The following UBE2E2 variants were observed in gnomAD, a reference collection of about 807,000 sequenced individuals.
UBE2E2 encodes the protein ubiquitin conjugating enzyme E2 E2, also known as ubiquitin-conjugating enzyme E2 E2.
In UBE2E2, 6 loss-of-function variants were observed where a neutral mutation model predicts 24.7. The observed-to-expected ratio is 0.24, with a 90% CI of 0.13 to 0.48. UBE2E2 has a LOEUF of 0.48. Among genes scored for constraint, UBE2E2 ranks in the 20% least tolerant of loss-of-function variants. The probability of loss-of-function intolerance (pLI) is 0.99; values close to 1 mark genes in which losing one functional copy is unlikely to be tolerated. For synonymous variants in UBE2E2, 104 were observed against 83.6 expected (o/e 1.24, Z -1.33); for missense variants, 169 against 245.0 (o/e 0.69, Z 2.07).
intron 3 of UBE2E2, among the ~76,000 whole-genome samples, chr3:23,315,726 T>G (rs781517373): frequency 6.6e-6 from 1 of 152,226 alleles, no homozygotes; most frequent in Non-Finnish European, 1.5e-5. Flanking sequence ...CTTTGCAGTC[T>G]TTGGTTGTTT....
chr3:23,391,035 C>G (rs574681248), intron 3 of UBE2E2, among the ~76,000 whole-genome samples: 2 of 152,168 alleles, frequency 1.3e-5, no homozygotes, highest in African/African-American at 4.8e-5. Flanking sequence ...TTATGAAATG[C>G]TATTTGTTTT....
intron 3 of UBE2E2, among the ~76,000 whole-genome samples, chr3:23,223,215 T>G (rs1696710759): frequency 1.4e-5 from 2 of 145,914 alleles, no homozygotes; most frequent in Admixed American, 1.4e-4. Context: ...TTTTTTGAGA[T>G]GGAGACTCAC....
At chr3:23,429,346 A>C (rs1441135412) in intron 3 of UBE2E2, among the ~76,000 whole-genome samples, 3 of 152,188 alleles carry the variant, frequency 2.0e-5, no homozygotes, top group Admixed American at 1.3e-4. Flanking sequence ...AGAAAACTAC[A>C]CACCAAAAAA....
At chr3:23,204,920 C>G (rs879749251) in intron 1 of UBE2E2, 5 of 232,960 alleles carry the variant, frequency 2.1e-5, no homozygotes, top group Non-Finnish European at 3.5e-5. Flanking sequence ...CTAGTAGATA[C>G]TGTTATAAGG....
intron 3 of UBE2E2, among the ~76,000 whole-genome samples, chr3:23,249,231 C>T (rs1442312102): frequency 6.7e-6 from 1 of 149,532 alleles, no homozygotes; most frequent in East Asian, 2.0e-4. Flanking sequence ...GAGATTGCAC[C>T]ACCACACCCC....
At chr3:23,546,240 G>A (rs1458525894) in intron 5 of UBE2E2, among the ~76,000 whole-genome samples, 1 of 152,048 alleles carries the variant, frequency 6.6e-6, no homozygotes, top group East Asian at 1.9e-4. Context: ...ATTCTCTTCA[G>A]TTTATGTTTA....
intron 3 of UBE2E2, among the ~76,000 whole-genome samples, chr3:23,346,552 A>T (rs1032743217): frequency 6.6e-6 from 1 of 152,240 alleles, no homozygotes; most frequent in South Asian, 2.1e-4. Flanking sequence ...TCATAATTAT[A>T]AAAGTGTTCA....
chr3:23,403,226 A>G (rs1222895535), intron 3 of UBE2E2, among the ~76,000 whole-genome samples: 7 of 152,314 alleles, frequency 4.6e-5, no homozygotes, highest in Non-Finnish European at 8.8e-5. Context: ...TTCAAACACC[A>G]CCCCTGTGGG....
rs1286364748 is a variant in UBE2E2 at position 23,589,695 on chromosome 3, G to A, written c.509-39G>A. On this transcript the variant is annotated intron_variant, in intron 5 of 5. Transcript: ENST00000396703. The surrounding 1 kb of genome is among the most constrained non-coding windows in gnomAD (Gnocchi z 4.1). ...TTCTGAACACTTCTTCCCCCACAGT[G>A]CTGGTATTTACTGACTCCCAACTCT... The A allele has an allele frequency of 6.2e-7, 1 of 1,605,010 alleles. No individual in the cohort carries two copies. Among genetic ancestry groups the A allele is most frequent in the African/African-American group, 1.3e-5 (1 of 74,772 alleles).
chr3:23,515,656 G>C (rs1445631855), intron 4 of UBE2E2, among the ~76,000 whole-genome samples: 1 of 152,020 alleles, frequency 6.6e-6, no homozygotes, highest in East Asian at 1.9e-4. Context: ...ACATATAAAA[G>C]TGGTATAAAA....
chr3:23,286,967 T>A (rs1698628992), intron 3 of UBE2E2, among the ~76,000 whole-genome samples: 1 of 152,184 alleles, frequency 6.6e-6, no homozygotes, highest in South Asian at 2.1e-4. Context: ...CATATGGAGA[T>A]GCTTTTATAG....
chr3:23,233,139 T>A (rs1303708207), intron 3 of UBE2E2, among the ~76,000 whole-genome samples: 2 of 152,180 alleles, frequency 1.3e-5, no homozygotes, highest in African/African-American at 4.8e-5. Flanking sequence ...GGCAATAGCC[T>A]GAGCCTGTAG....
At chr3:23,267,550 G>A (rs1298913941) in intron 3 of UBE2E2, among the ~76,000 whole-genome samples, 1 of 152,040 alleles carries the variant, frequency 6.6e-6, no homozygotes, top group Non-Finnish European at 1.5e-5. Flanking sequence ...CTCTGAAATT[G>A]TGGCAATAAT....
chr3:23,324,382 G>T (rs571517107), intron 3 of UBE2E2, among the ~76,000 whole-genome samples: 1 of 152,054 alleles, frequency 6.6e-6, no homozygotes, highest in African/African-American at 2.4e-5. Context: ...TTTAAGGACC[G>T]TATTCCTTAT....
chr3:23,231,094 C>T (rs905255678), intron 3 of UBE2E2, among the ~76,000 whole-genome samples: 4 of 152,244 alleles, frequency 2.6e-5, no homozygotes, highest in Admixed American at 2.6e-4. Flanking sequence ...GAGAGATTTT[C>T]AGTTATTAGA....
Position 23,229,023 on chromosome 3 carries a change from C to T in UBE2E2, c.227+11711C>T, listed in dbSNP as rs577315956. 9.2e-5 allele frequency among the ~76,000 whole-genome samples: 14 copies of T among 152,288 alleles called. No individual in the cohort carries two copies. The East Asian group carries it at 9.6e-4, about 10-fold the overall frequency. On this transcript the variant is annotated intron_variant, in intron 3 of 5. Coordinates refer to ENST00000396703, the MANE Select transcript of UBE2E2 (RefSeq NM_152653.4). ...ATCCAGCATCCCCCTCCCAACATTC[C>T]GCTACCATCACTTCTCCTGATGCTT...
chr3:23,525,036 G>A (rs2125478734), intron 4 of UBE2E2, among the ~76,000 whole-genome samples: 1 of 152,174 alleles, frequency 6.6e-6, no homozygotes, highest in African/African-American at 2.4e-5. Context: ...TCATTCTTGA[G>A]GCTTTAGGGG....
intron 3 of UBE2E2, among the ~76,000 whole-genome samples, chr3:23,390,363 C>T (rs562800060): frequency 3.3e-5 from 5 of 152,244 alleles, no homozygotes; most frequent in Admixed American, 6.5e-5. Context: ...CACTGATTGT[C>T]GGAGACTACA....
Position 23,533,619 on chromosome 3 carries a change from A to ATTTTT in UBE2E2, c.508+936_508+940dup, listed in dbSNP as rs759984741. Among the ~76,000 whole-genome samples, 164 of 108,510 alleles carry ATTTTT rather than the reference A, an allele frequency of 1.5e-3. 3 individuals carry two copies. The highest frequency in any genetic ancestry group is 1.9e-3 in the African/African-American group (52 of 27,266). The allele number at this position is 108,510 out of a possible 152,430, so 71.2% of individuals were successfully genotyped here. On this transcript the variant is annotated intron_variant, in intron 5 of 5. Transcript: ENST00000396703. ...ATCTTTTTTAAAGTAGCAAATTAGT[A>ATTTTT]TTTTTTTTTTTTTTTTTTTTTTGAA...
Sources: allele counts gnomAD v4.1 joint callset (sites outside exome capture counted in the v4.1 genomes callset), GRCh38; gene constraint gnomAD v4.1.1; non-coding constraint Gnocchi (gnomAD v3.1); transcripts MANE v1.5; gene names NCBI Gene and HGNC (gene_info 2026-07-23, HGNC 2026-07-21).